TASP1: variants seen among roughly 807,000 people sequenced by gnomAD.
The protein encoded by TASP1 is taspase 1, also known as threonine aspartase 1.
A neutral mutation model predicts 56.6 loss-of-function variants in TASP1; 16 were observed. That is an observed-to-expected ratio of 0.28 (90% CI 0.19 to 0.43). TASP1 has a LOEUF of 0.43. Ranked by LOEUF, TASP1 falls within the 20% of genes least tolerant of loss-of-function variation. The pLI is 1.00. For synonymous variants in TASP1, 179 were observed against 184.2 expected (o/e 0.97, Z 0.23); for missense variants, 393 against 511.6 (o/e 0.77, Z 2.24).
intron 11 of TASP1, among the ~76,000 whole-genome samples, chr20:13,460,323 A>G (rs1258682041): frequency 6.6e-6 from 1 of 151,560 alleles, no homozygotes; most frequent in Non-Finnish European, 1.5e-5. Context: ...AGCACCAGCC[A>G]CTCCTCCTCA....
chr20:13,411,847 C>T (rs1460408332), intron 13 of TASP1, among the ~76,000 whole-genome samples: 2 of 152,236 alleles, frequency 1.3e-5, no homozygotes, highest in African/African-American at 4.8e-5. Flanking sequence ...TATTTCTTCA[C>T]TCTCTTACCC....
intron 7 of TASP1, among the ~76,000 whole-genome samples, chr20:13,568,207 G>A (rs1421862370): frequency 6.6e-6 from 1 of 151,972 alleles, no homozygotes; most frequent in Non-Finnish European, 1.5e-5. Context: ...GAATACAGTG[G>A]TGCAATCATA....
chr20:13,452,094 T>C (rs191569406), intron 11 of TASP1, among the ~76,000 whole-genome samples: 28 of 152,112 alleles, frequency 1.8e-4, no homozygotes, highest in Admixed American at 9.8e-4. Flanking sequence ...CCCAAAACAT[T>C]ACCATAGTAA....
chr20:13,533,706 T>C (rs551328115), intron 9 of TASP1, among the ~76,000 whole-genome samples: 2 of 152,104 alleles, frequency 1.3e-5, no homozygotes, highest in East Asian at 3.9e-4. Flanking sequence ...GAGAGTGACA[T>C]TTACAGAGAG....
rs149572327 is a variant in TASP1 at position 13,550,147 on chromosome 20, TACACAC to T, written c.675+8855_675+8860del. Among the ~76,000 whole-genome samples the T allele has an allele frequency of 1.8e-3, 243 of 135,394 alleles. 1 individual carries two copies. Among genetic ancestry groups the T allele is most frequent in the African/African-American group, 3.4e-3 (123 of 36,316 alleles). The allele number at this position is 135,394 out of a possible 152,430, so 88.8% of individuals were successfully genotyped here. A position where few individuals can be genotyped will look rare whatever the true frequency, so the allele number is the denominator to read the frequency against. ...TTCCTAAATATGGAATATATACACATACACACACACACACACACACACACACACACA... is the reference window on the plus strand; with the variant it reads ...TTCCTAAATATGGAATATATACACATACACACACACACACACACACACACA... On this transcript the variant is annotated intron_variant, in intron 8 of 13. Coordinates refer to ENST00000337743, the MANE Select transcript of TASP1 (RefSeq NM_017714.3).
chr20:13,513,908 G>A (rs112972612), intron 10 of TASP1, among the ~76,000 whole-genome samples: 12 of 152,234 alleles, frequency 7.9e-5, no homozygotes, highest in African/African-American at 2.9e-4. Context: ...AGATGAGTCA[G>A]ACAAAGGAGG....
chr20:13,493,575 T>A (rs549813392), intron 10 of TASP1, among the ~76,000 whole-genome samples: 82 of 152,292 alleles, frequency 5.4e-4, no homozygotes, highest in Middle Eastern at 3.4e-3. Flanking sequence ...CTTGGGCCTT[T>A]GGCCACAGAC....
chr20:13,345,277 G>T, the TASP1 span, among the ~76,000 whole-genome samples: 1 of 152,202 alleles, frequency 6.6e-6, no homozygotes, highest in Admixed American at 6.5e-5. Flanking sequence ...GCAGTCATCA[G>T]AACGTGGGGA....
chr20:13,621,698 A>C (rs1478807403), intron 4 of TASP1, among the ~76,000 whole-genome samples: 4 of 152,240 alleles, frequency 2.6e-5, no homozygotes, highest in African/African-American at 9.6e-5. Flanking sequence ...TAAACCCCTT[A>C]AAAGTAGGAT....
chr20:13,232,150 A>T, the TASP1 span, among the ~76,000 whole-genome samples: 10 of 152,286 alleles, frequency 6.6e-5, no homozygotes, highest in African/African-American at 1.9e-4. Context: ...TTTTATTATT[A>T]TTTTTTTAAA....
the TASP1 span, among the ~76,000 whole-genome samples, chr20:13,112,783 A>G: frequency 3.6e-4 from 55 of 152,294 alleles, no homozygotes; most frequent in East Asian, 9.8e-3. Flanking sequence ...GGGGGCTTCA[A>G]TTTCCTCATC....
intron 7 of TASP1, among the ~76,000 whole-genome samples, chr20:13,560,001 A>G (rs1217664757): frequency 3.9e-5 from 6 of 152,222 alleles, no homozygotes; most frequent in African/African-American, 1.4e-4. Context: ...AGAGAAAGAA[A>G]AGAAAGACAT....
chr20:13,536,035 TAATA>T (rs2045405413), intron 8 of TASP1, among the ~76,000 whole-genome samples: 1 of 152,236 alleles, frequency 6.6e-6, no homozygotes, highest in African/African-American at 2.4e-5. Flanking sequence ...TTTATAATGC[TAATA>T]AATAATTTTA....
At chr20:13,614,594 C>A in intron 4 of TASP1, 2 of 243,726 alleles carry the variant, frequency 8.2e-6, no homozygotes, top group Non-Finnish European at 1.7e-5. Flanking sequence ...TCTGCACTCA[C>A]CTCCTTTCTA....
chr20:13,563,548 A>G (rs2046419265), intron 7 of TASP1, among the ~76,000 whole-genome samples: 1 of 152,194 alleles, frequency 6.6e-6, no homozygotes, highest in African/African-American at 2.4e-5. Context: ...GCAGCATATT[A>G]AAAGGATAAT....
chr20:13,341,988 C>A, the TASP1 span, among the ~76,000 whole-genome samples: 1 of 152,166 alleles, frequency 6.6e-6, no homozygotes, highest in Non-Finnish European at 1.5e-5. Context: ...CCCCTTGAAG[C>A]CTAAGTTCAG....
intron 4 of TASP1, chr20:13,614,798 G>A (rs1457604333): frequency 2.1e-6 from 1 of 469,208 alleles, no homozygotes; most frequent in Non-Finnish European, 4.4e-6. Flanking sequence ...TTTAAACTTT[G>A]TTTTAGTTGG....
At chr20:13,562,919 G>A (rs867459351) in intron 7 of TASP1, among the ~76,000 whole-genome samples, 1,997 of 124,226 alleles carry the variant, frequency 0.016, 42 homozygotes, top group Admixed American at 0.05. Flanking sequence ...ATATATATGT[G>A]TGTGTGTGTG....
intron 11 of TASP1, among the ~76,000 whole-genome samples, chr20:13,469,713 C>T (rs1276087928): frequency 7.1e-6 from 1 of 139,936 alleles, no homozygotes; most frequent in Admixed American, 7.4e-5. Context: ...CTGAAAAAAT[C>T]AAATTTAGTG....
Sources: allele counts gnomAD v4.1 joint callset (sites outside exome capture counted in the v4.1 genomes callset), GRCh38; gene constraint gnomAD v4.1.1; transcripts MANE v1.5; gene names NCBI Gene and HGNC (gene_info 2026-07-23, HGNC 2026-07-21).